PRELID2: variants seen among roughly 807,000 people sequenced by gnomAD.
PRELID2 encodes PRELI domain-containing protein 2.
In PRELID2, 25 loss-of-function variants were observed where a neutral mutation model predicts 28.4. That is an observed-to-expected ratio of 0.88 (90% CI 0.64 to 1.23). The LOEUF is 1.23. PRELID2 is among the 50% of genes most tolerant of loss of function. PRELID2 has a pLI of 0.00. For synonymous variants in PRELID2, 76 were observed against 71.6 expected, an observed-to-expected ratio of 1.06 and a Z score of -0.31; for missense variants, 201 against 214.4, an observed-to-expected ratio of 0.94 and a Z score of 0.39.
At chr5:145,566,839 C>CAAA (rs537384269) in intron 1 of PRELID2, among the ~76,000 whole-genome samples, 2 of 58,080 alleles carry the variant, frequency 3.4e-5, no homozygotes, top group East Asian at 6.4e-4. Flanking sequence ...GACTCCATCT[C>CAAA]AAAAAAAAAA....
the PRELID2 span, among the ~76,000 whole-genome samples, chr5:145,291,337 GAAAAAAAAA>G: frequency 2.4e-5 from 1 of 41,744 alleles, no homozygotes; most frequent in African/African-American, 8.0e-5. Context: ...CTCTGTTTCA[GAAAAAAAAA>G]AAAAAAAAAA....
At chr5:145,463,784 A>G in the PRELID2 span, among the ~76,000 whole-genome samples, 3 of 152,208 alleles carry the variant, frequency 2.0e-5, no homozygotes, top group African/African-American at 7.2e-5. Context: ...AACCAAAAGA[A>G]AACAGAGTCC....
intron 1 of PRELID2, among the ~76,000 whole-genome samples, chr5:145,681,077 T>C (rs566261155): frequency 6.6e-6 from 1 of 152,314 alleles, no homozygotes; most frequent in South Asian, 2.1e-4. Context: ...CAGTGGCCTC[T>C]TCACTCCGGT....
chr5:145,740,756 TTATGTATAAATA>T (rs1490831678), intron 1 of PRELID2, among the ~76,000 whole-genome samples: 1 of 118,306 alleles, frequency 8.5e-6, no homozygotes, highest in East Asian at 2.4e-4. Flanking sequence ...TATTATATAT[TTATGTATAAATA>T]TATAATATAT....
intron 1 of PRELID2, among the ~76,000 whole-genome samples, chr5:145,596,480 CAAATGAG>C (rs1316301606): frequency 6.6e-6 from 1 of 151,942 alleles, no homozygotes; most frequent in Non-Finnish European, 1.5e-5. Context: ...GTTCTTGTTT[CAAATGAG>C]AAGAATATCA....
At chr5:145,796,249 C>T in intron 5 of PRELID2, 193 bp downstream of exon 5, 2 of 395,656 alleles carry the variant, frequency 5.1e-6, no homozygotes, top group Non-Finnish European at 9.0e-6. Context: ...TTTAATGAGC[C>T]ATAAATGCCA....
intron 1 of PRELID2, among the ~76,000 whole-genome samples, chr5:145,623,942 T>C (rs1354651178): frequency 1.3e-5 from 2 of 152,168 alleles, no homozygotes; most frequent in African/African-American, 4.8e-5. Context: ...CAGATGCCAG[T>C]TGCAAGTACC....
the PRELID2 span, among the ~76,000 whole-genome samples, chr5:145,296,898 G>A: frequency 2.6e-4 from 40 of 152,228 alleles, no homozygotes; most frequent in African/African-American, 8.2e-4. Context: ...CTGGTGTGAG[G>A]TGGTATCTCA....
chr5:145,740,873 A>AATATATATGTACATATATTTATCGAT (rs1756682679), intron 1 of PRELID2, among the ~76,000 whole-genome samples: 2 of 102,946 alleles, frequency 1.9e-5, no homozygotes, highest in Admixed American at 1.3e-4. Flanking sequence ...TTTATCGATA[A>AATATATATGTACATATATTTATCGAT]ATATATATGT....
intron 1 of PRELID2, among the ~76,000 whole-genome samples, chr5:145,636,408 C>T (rs1202535317): frequency 1.3e-5 from 2 of 152,076 alleles, no homozygotes; most frequent in Admixed American, 6.5e-5. Flanking sequence ...GAATTGCTCT[C>T]TTTCTGCATA....
the PRELID2 span, among the ~76,000 whole-genome samples, chr5:145,417,954 A>C: frequency 7.2e-5 from 11 of 152,108 alleles, no homozygotes; most frequent in Admixed American, 7.2e-4. Context: ...AGGGAGTCAA[A>C]TTATCTTTGC....
At chr5:145,704,366 A>G (rs368014729) in intron 1 of PRELID2, 6 of 152,298 alleles carry the variant, frequency 3.9e-5, no homozygotes, top group African/African-American at 9.6e-5. Context: ...GAGATGAGAA[A>G]TGAGCAAAAC....
At chr5:145,354,267 C>A in the PRELID2 span, among the ~76,000 whole-genome samples, 1 of 152,156 alleles carries the variant, frequency 6.6e-6, no homozygotes, top group Non-Finnish European at 1.5e-5. Context: ...ATTCAGATTC[C>A]TAGCCCACTG....
chr5:145,720,682 A>T (rs1755963476), intron 1 of PRELID2, among the ~76,000 whole-genome samples: 1 of 152,058 alleles, frequency 6.6e-6, no homozygotes, highest in African/African-American at 2.4e-5. Flanking sequence ...AATAGTGAGG[A>T]CTTAATACAT....
At chr5:145,614,060 A>G (rs1407318828) in intron 1 of PRELID2, among the ~76,000 whole-genome samples, 1 of 152,150 alleles carries the variant, frequency 6.6e-6, no homozygotes, top group Non-Finnish European at 1.5e-5. Flanking sequence ...TCCCAGCACC[A>G]TTTGTTGAAA....
chr5:145,263,781 A>G, the PRELID2 span, among the ~76,000 whole-genome samples: 2 of 151,950 alleles, frequency 1.3e-5, no homozygotes, highest in Non-Finnish European at 2.9e-5. Flanking sequence ...TTCTAGATTA[A>G]GTCAGGAAAC....
At chr5:145,644,829 G>A (rs149660995) in intron 1 of PRELID2, among the ~76,000 whole-genome samples, 2 of 152,164 alleles carry the variant, frequency 1.3e-5, no homozygotes, top group Non-Finnish European at 2.9e-5. Context: ...GTGGTTTTGA[G>A]TGAGTTTCTT....
At chr5:145,363,909 CA>C in the PRELID2 span, among the ~76,000 whole-genome samples, 2 of 151,952 alleles carry the variant, frequency 1.3e-5, no homozygotes, top group Non-Finnish European at 2.9e-5. Context: ...AGACTAGAAA[CA>C]TTTAAACTTT....
At chr5:145,278,738 G>A in the PRELID2 span, among the ~76,000 whole-genome samples, 10 of 152,088 alleles carry the variant, frequency 6.6e-5, no homozygotes, top group African/African-American at 2.4e-4. Context: ...AGGAGGTAAG[G>A]GTCATGGAGG....
Sources: allele counts gnomAD v4.1 joint callset (sites outside exome capture counted in the v4.1 genomes callset), GRCh38; gene constraint gnomAD v4.1.1; transcripts MANE v1.5; gene names NCBI Gene and HGNC (gene_info 2026-07-23, HGNC 2026-07-21).